The following MECOM variants were observed in gnomAD, a reference collection of about 807,000 sequenced individuals.
The protein encoded by MECOM is histone-lysine N-methyltransferase MECOM.
A neutral mutation model predicts 116.3 loss-of-function variants in MECOM; 13 were observed. The ratio of observed to expected loss-of-function variants is 0.11; its 90% confidence interval spans 0.07 to 0.18. The LOEUF (loss-of-function observed/expected upper bound fraction) is 0.18. Ranked by LOEUF, MECOM falls within the 10% of genes least tolerant of loss-of-function variation. MECOM has a pLI of 1.00. For synonymous variants in MECOM, 528 were observed against 535.2 expected (o/e 0.99, Z 0.19); for missense variants, 1,299 against 1,509.0 (o/e 0.86, Z 2.31).
intron 2 of MECOM, among the ~76,000 whole-genome samples, chr3:169,310,006 A>G (rs900912954): frequency 2.0e-5 from 3 of 152,208 alleles, no homozygotes; most frequent in African/African-American, 7.2e-5. Context: ...AATGCAGGAC[A>G]AGTGTGGCCT....
chr3:169,305,886 T>C (rs1717597844), intron 2 of MECOM, among the ~76,000 whole-genome samples: 1 of 152,176 alleles, frequency 6.6e-6, no homozygotes, highest in Non-Finnish European at 1.5e-5. Context: ...CTCAGTTTTT[T>C]AACCCTGTAA....
chr3:169,627,742 A>G lies in MECOM; in HGVS notation c.37+35594T>C, dbSNP rs542346039. On this transcript the variant is annotated intron_variant, in intron 1 of 16. Coordinates refer to ENST00000651503, the MANE Select transcript of MECOM (RefSeq NM_004991.4). The stretch of plus-strand genomic sequence containing the variant: ...CTTTTTATTTTTTGTTTTCTGCTCT[A>G]TTTTAGACTAGCCTTTGTTCTTCTT... Among the ~76,000 whole-genome samples the G allele has an allele frequency of 3.5e-4, 54 of 152,252 alleles. No homozygotes were observed. In the South Asian group the frequency reaches 0.011, roughly 31 times the overall value.
chr3:169,532,042 A>C (rs1758701845), intron 1 of MECOM, among the ~76,000 whole-genome samples: 1 of 152,226 alleles, frequency 6.6e-6, no homozygotes, highest in African/African-American at 2.4e-5. Flanking sequence ...TTCTAAGCTC[A>C]AGTGTGATTA....
intron 2 of MECOM, among the ~76,000 whole-genome samples, chr3:169,365,298 AT>A (rs1728980955): frequency 6.6e-6 from 1 of 152,082 alleles, no homozygotes; most frequent in Non-Finnish European, 1.5e-5. Flanking sequence ...CGTAAAACTG[AT>A]TTTAACAGTT....
chr3:169,335,090 A>T (rs1723380651), intron 2 of MECOM, among the ~76,000 whole-genome samples: 1 of 152,140 alleles, frequency 6.6e-6, no homozygotes, highest in Non-Finnish European at 1.5e-5. Flanking sequence ...GGGGTTTGTC[A>T]TTCCTATGCT....
At chr3:169,246,299 A>G (rs977741468) in intron 2 of MECOM, among the ~76,000 whole-genome samples, 9 of 152,162 alleles carry the variant, frequency 5.9e-5, no homozygotes, top group African/African-American at 1.9e-4. Flanking sequence ...GTGGCTGGCA[A>G]TCTCTAGCAG....
Position 169,509,239 on chromosome 3 carries a change from C to T in MECOM, c.38-127715G>A, listed in dbSNP as rs552194750. 5.3e-5 allele frequency among the ~76,000 whole-genome samples: 8 copies of T among 152,320 alleles called. No homozygotes were observed. In the South Asian group the frequency reaches 1.7e-3, roughly 32 times the overall value. ...GTGTGACCCTGGATAAATCCTGTCA[C>T]TTCCCTGATGTGATGATTGATGTTC... On this transcript the variant is annotated intron_variant, in intron 1 of 16. Transcript: ENST00000651503.
intron 2 of MECOM, among the ~76,000 whole-genome samples, chr3:169,267,635 T>C (rs1347363957): frequency 6.6e-6 from 1 of 152,158 alleles, no homozygotes; most frequent in Non-Finnish European, 1.5e-5. Flanking sequence ...TCAAGGTGAT[T>C]GAAGTAATGC....
At chr3:169,244,581 C>T (rs911315402) in intron 2 of MECOM, among the ~76,000 whole-genome samples, 1 of 152,134 alleles carries the variant, frequency 6.6e-6, no homozygotes, top group African/African-American at 2.4e-5. Context: ...ATGTGAACAG[C>T]CCAGACCCTT....
Position 169,493,633 on chromosome 3 carries a change from A to C in MECOM, c.38-112109T>G, listed in dbSNP as rs565065862. 3.3e-5 allele frequency among the ~76,000 whole-genome samples: 5 copies of C among 152,244 alleles called. No homozygotes were observed. In the East Asian group the frequency reaches 9.6e-4, roughly 29 times the overall value. On this transcript the variant is annotated intron_variant, in intron 1 of 16. Transcript: ENST00000651503. Reference sequence around the variant, plus strand: ...TGTATATTTATATACTGGGTAACTGAAGTTCCTCAGATGGGAAATGATTTA... The same window carrying C: ...TGTATATTTATATACTGGGTAACTGCAGTTCCTCAGATGGGAAATGATTTA...
chr3:169,440,817 G>A (rs1175855355), intron 1 of MECOM, among the ~76,000 whole-genome samples: 1 of 152,050 alleles, frequency 6.6e-6, no homozygotes, highest in African/African-American at 2.4e-5. Flanking sequence ...CTCTCCACCA[G>A]TTTAGACAGC....
At chr3:169,231,323 A>G (rs1055927229) in intron 2 of MECOM, among the ~76,000 whole-genome samples, 2 of 152,138 alleles carry the variant, frequency 1.3e-5, no homozygotes, top group Non-Finnish European at 2.9e-5. Flanking sequence ...CACCAGGCTA[A>G]ATACTGGGGA....
chr3:169,371,305 G>A (rs1730068224), intron 2 of MECOM, among the ~76,000 whole-genome samples: 1 of 151,908 alleles, frequency 6.6e-6, no homozygotes, highest in South Asian at 2.1e-4. Flanking sequence ...GGAATCTAAA[G>A]TAAAAAATGA....
chr3:169,499,346 CAAAA>C (rs60302997), intron 1 of MECOM, among the ~76,000 whole-genome samples: 3 of 51,568 alleles, frequency 5.8e-5, no homozygotes, highest in East Asian at 3.7e-4. Flanking sequence ...AGATTACCCA[CAAAA>C]AAAAAAAAAA....
At position 169,458,200 on chromosome 3, in the gene MECOM, C is replaced by A. The variant is rs1278129085; in HGVS notation, c.38-76676G>T. ...TTATGAGCTAGGAGCAAGTCTTTTT[C>A]TTTTCCACCCCCGCCTTCAACTGCT... On this transcript the variant is annotated intron_variant, in intron 1 of 16. Transcript: ENST00000651503. Among the ~76,000 whole-genome samples, 3 of 152,152 alleles carry A rather than the reference C, an allele frequency of 2.0e-5. No individual in the cohort carries two copies. In the East Asian group the frequency reaches 5.8e-4, roughly 29 times the overall value.
chr3:169,645,487 GT>G (rs1323003039), intron 1 of MECOM, among the ~76,000 whole-genome samples: 1 of 152,120 alleles, frequency 6.6e-6, no homozygotes, highest in African/African-American at 2.4e-5. Context: ...TGTTTACCTT[GT>G]TGTTTAATCT....
At chr3:169,415,716 G>C (rs1178528865) in intron 1 of MECOM, among the ~76,000 whole-genome samples, 1 of 151,878 alleles carries the variant, frequency 6.6e-6, no homozygotes, top group African/African-American at 2.4e-5. Context: ...GAAAAAAAAA[G>C]CATGGGTTGC....
chr3:169,419,308 G>C (rs993208624), intron 1 of MECOM, among the ~76,000 whole-genome samples: 3 of 152,158 alleles, frequency 2.0e-5, no homozygotes, highest in African/African-American at 7.2e-5. Context: ...TCATAAAAAT[G>C]GCCATACTGC....
At chr3:169,444,611 T>C (rs1744296550) in intron 1 of MECOM, among the ~76,000 whole-genome samples, 2 of 152,136 alleles carry the variant, frequency 1.3e-5, no homozygotes, top group Admixed American at 6.5e-5. Context: ...TTCTTCCCAG[T>C]CTCGGGTATG....
Sources: gnomAD v4.1 joint callset for allele counts (sites outside exome capture counted in the v4.1 genomes callset) on GRCh38, gnomAD v4.1.1 for gene constraint, MANE v1.5 for transcripts, NCBI Gene and HGNC (gene_info 2026-07-23, HGNC 2026-07-21) for gene names.